EPHA6: variants seen among roughly 807,000 people sequenced by gnomAD.
EPHA6 encodes ephrin type-A receptor 6.
EPHA6 carries 50 observed loss-of-function variants against 112.0 expected under a neutral mutation model. The observed-to-expected ratio is 0.45, with a 90% CI of 0.36 to 0.56. The LOEUF (loss-of-function observed/expected upper bound fraction) is 0.56. Ranked by LOEUF, EPHA6 falls within the 20% of genes least tolerant of loss-of-function variation. EPHA6 has a pLI of 0.00. For synonymous variants in EPHA6, 529 were observed against 490.7 expected (o/e 1.08, Z -1.03); for missense variants, 1,280 against 1,417.4 (o/e 0.90, Z 1.56).
intron 5 of EPHA6, among the ~76,000 whole-genome samples, chr3:97,257,346 T>C (rs568543969): frequency 1.3e-5 from 2 of 152,060 alleles, no homozygotes; most frequent in African/African-American, 2.4e-5. Flanking sequence ...GGGAAAATAT[T>C]TGTAATGAAA....
At chr3:97,076,363 G>T (rs1034460665) in intron 3 of EPHA6, among the ~76,000 whole-genome samples, 1 of 152,082 alleles carries the variant, frequency 6.6e-6, no homozygotes, top group Non-Finnish European at 1.5e-5. Flanking sequence ...ACAACATTCC[G>T]TTAAGCCAAA....
intron 10 of EPHA6, among the ~76,000 whole-genome samples, chr3:97,485,639 G>A (rs1242997739): frequency 3.3e-5 from 5 of 152,208 alleles, no homozygotes; most frequent in Non-Finnish European, 5.9e-5. Context: ...TTAAGGACCT[G>A]AAATGGAACC....
intron 14 of EPHA6, among the ~76,000 whole-genome samples, chr3:97,695,381 C>T: frequency 6.6e-6 from 1 of 152,288 alleles, no homozygotes; most frequent in East Asian, 1.9e-4. Flanking sequence ...TTACTGTAGA[C>T]AGAGTGTACA....
intron 3 of EPHA6, among the ~76,000 whole-genome samples, chr3:97,068,016 A>G (rs1675931649): frequency 6.6e-6 from 1 of 151,766 alleles, no homozygotes; most frequent in Non-Finnish European, 1.5e-5. Context: ...ACCATGGCAC[A>G]TGGTTACTCA....
In EPHA6 at chr3:97,754,951, C is replaced by A. The variant is rs2035990861; in HGVS notation, c.*6250C>A. Among the ~76,000 whole-genome samples the A allele has an allele frequency of 6.6e-6, 1 of 152,210 alleles. No homozygotes were observed. Among genetic ancestry groups the A allele is most frequent in the Non-Finnish European group, 1.5e-5 (1 of 68,034 alleles). Reference sequence around the variant, plus strand: ...ATCTCCTGACCTGGTGATCCAACCGCCTCGGCCTCCCAAAGTGGTGGGATT... The same window carrying A: ...ATCTCCTGACCTGGTGATCCAACCGACTCGGCCTCCCAAAGTGGTGGGATT... On this transcript the variant is annotated 3_prime_UTR_variant, in exon 18 of 18. Coordinates refer to ENST00000389672, the MANE Select transcript of EPHA6 (RefSeq NM_001080448.3).
At chr3:97,378,388 T>A (rs1042368350) in intron 5 of EPHA6, among the ~76,000 whole-genome samples, 4 of 152,308 alleles carry the variant, frequency 2.6e-5, no homozygotes, top group Admixed American at 1.3e-4. Context: ...GAACCTCTAC[T>A]AGGGCAGTGC....
chr3:96,898,772 G>A (rs368460510), intron 2 of EPHA6, among the ~76,000 whole-genome samples: 2 of 152,168 alleles, frequency 1.3e-5, no homozygotes, highest in Admixed American at 1.3e-4. Context: ...GCTCACGGCT[G>A]TAATCCCAGC....
At chr3:97,427,893 A>C (rs2089256951) in intron 6 of EPHA6, among the ~76,000 whole-genome samples, 1 of 152,104 alleles carries the variant, frequency 6.6e-6, no homozygotes, top group Admixed American at 6.6e-5. Context: ...CAAGGAAGGG[A>C]ACAATAGACA....
intron 5 of EPHA6, among the ~76,000 whole-genome samples, chr3:97,382,783 C>A (rs1036580412): frequency 6.6e-6 from 1 of 151,922 alleles, no homozygotes. Flanking sequence ...TAATTTTAAA[C>A]CAAATGAACC....
chr3:96,980,230 A>C (rs2042707685), intron 2 of EPHA6, among the ~76,000 whole-genome samples: 1 of 152,148 alleles, frequency 6.6e-6, no homozygotes, highest in Admixed American at 6.5e-5. Context: ...ATTTTTGTAT[A>C]AGGTGTAAGG....
chr3:97,365,023 C>T (rs1005818048), intron 5 of EPHA6, among the ~76,000 whole-genome samples: 16 of 152,060 alleles, frequency 1.1e-4, no homozygotes, highest in African/African-American at 3.9e-4. Flanking sequence ...TGCATGTTAA[C>T]AAAACACATT....
chr3:97,605,092 A>G (rs1421218999), intron 12 of EPHA6, among the ~76,000 whole-genome samples: 4 of 151,602 alleles, frequency 2.6e-5, no homozygotes, highest in Non-Finnish European at 5.9e-5. Context: ...TGATTGAGAT[A>G]TAAAGGGAGG....
chr3:97,081,336 TA>T (rs2046712587), intron 3 of EPHA6, among the ~76,000 whole-genome samples: 2 of 152,024 alleles, frequency 1.3e-5, no homozygotes, highest in South Asian at 4.1e-4. Flanking sequence ...TAAATTATTT[TA>T]AAATGCCACT....
At chr3:97,178,140 G>A (rs1415021578) in intron 3 of EPHA6, among the ~76,000 whole-genome samples, 1 of 151,846 alleles carries the variant, frequency 6.6e-6, no homozygotes, top group Non-Finnish European at 1.5e-5. Flanking sequence ...CATTAGGCTT[G>A]CAAATACTAT....
intron 14 of EPHA6, among the ~76,000 whole-genome samples, chr3:97,694,713 G>A (rs1290665691): frequency 6.6e-6 from 1 of 152,212 alleles, no homozygotes; most frequent in Non-Finnish European, 1.5e-5. Context: ...AGCATTGCAG[G>A]CTGCAGAAAC....
At chr3:96,997,444 T>G (rs1049391334) in intron 3 of EPHA6, among the ~76,000 whole-genome samples, 2 of 152,026 alleles carry the variant, frequency 1.3e-5, no homozygotes, top group African/African-American at 2.4e-5. Context: ...GAAGTGTATC[T>G]CTTCTTTTCA....
intron 2 of EPHA6, among the ~76,000 whole-genome samples, chr3:96,936,596 T>A (rs1553735093): frequency 4.0e-5 from 6 of 151,826 alleles, no homozygotes; most frequent in Non-Finnish European, 8.8e-5. Context: ...GATGTTCTTT[T>A]TTTAATTTAA....
At chr3:97,400,001 A>T (rs2086900730) in intron 5 of EPHA6, among the ~76,000 whole-genome samples, 1 of 151,580 alleles carries the variant, frequency 6.6e-6, no homozygotes, top group Admixed American at 6.6e-5. Context: ...AGACCTATTC[A>T]TAAAATGATT....
At chr3:97,617,477 A>G (rs1306353962) in intron 13 of EPHA6, among the ~76,000 whole-genome samples, 2 of 152,154 alleles carry the variant, frequency 1.3e-5, no homozygotes, top group African/African-American at 4.8e-5. Context: ...AAAGATAAAA[A>G]AATGGCAAGC....
Sources: allele counts gnomAD v4.1 joint callset (sites outside exome capture counted in the v4.1 genomes callset), GRCh38; gene constraint gnomAD v4.1.1; transcripts MANE v1.5; gene names NCBI Gene and HGNC (gene_info 2026-07-23, HGNC 2026-07-21).